PKN2: variants seen among roughly 807,000 people sequenced by gnomAD.
PKN2 encodes serine/threonine-protein kinase N2.
PKN2 carries 38 observed loss-of-function variants against 119.1 expected under a neutral mutation model. The ratio of observed to expected loss-of-function variants is 0.32; its 90% CI spans 0.25 to 0.42. The LOEUF is 0.42. Ranked by LOEUF, PKN2 falls within the 10% of genes least tolerant of loss-of-function variation. The probability of loss-of-function intolerance (pLI) is 1.00; values close to 1 mark genes in which losing one functional copy is unlikely to be tolerated. For missense variants in PKN2, 850 were observed against 1,165.1 expected, an observed-to-expected ratio of 0.73 and a Z score of 3.94; for synonymous variants, 390 against 384.9, an observed-to-expected ratio of 1.01 and a Z score of -0.15.
intron 1 of PKN2, among the ~76,000 whole-genome samples, chr1:88,721,476 C>T (rs921516238): frequency 1.3e-5 from 2 of 152,004 alleles, no homozygotes; most frequent in African/African-American, 4.8e-5. Flanking sequence ...GGGGGCTTGC[C>T]TGTTTTATCT....
intron 1 of PKN2, among the ~76,000 whole-genome samples, chr1:88,738,823 G>A (rs946513780): frequency 3.9e-5 from 6 of 152,066 alleles, no homozygotes; most frequent in African/African-American, 1.4e-4. Context: ...AGCATTTTTT[G>A]CCTCAGTCCA....
At chr1:88,727,496 G>A (rs305224) in intron 1 of PKN2, among the ~76,000 whole-genome samples, 4,497 of 152,168 alleles carry the variant, frequency 0.03, 225 homozygotes, top group African/African-American at 0.1. Context: ...TTAATCCACT[G>A]TACCAACCTG....
chr1:88,823,054 A>G (rs552660318), intron 17 of PKN2, among the ~76,000 whole-genome samples: 43 of 152,246 alleles, frequency 2.8e-4, no homozygotes, highest in African/African-American at 1.0e-3. Context: ...TTCTGTCTCT[A>G]CAAAAAAATA....
At chr1:88,712,436 C>T (rs1667272143) in intron 1 of PKN2, among the ~76,000 whole-genome samples, 2 of 152,056 alleles carry the variant, frequency 1.3e-5, no homozygotes, top group South Asian at 4.1e-4. Flanking sequence ...GGTACCCCTT[C>T]CCAGGTTTGC....
intron 6 of PKN2, among the ~76,000 whole-genome samples, chr1:88,779,318 G>A (rs1670234425): frequency 6.6e-6 from 1 of 150,948 alleles, no homozygotes; most frequent in African/African-American, 2.4e-5. Context: ...CCAGAGTTCT[G>A]ATAAACTCAG....
At chr1:88,716,643 C>T (rs1322050589) in intron 1 of PKN2, among the ~76,000 whole-genome samples, 1 of 151,912 alleles carries the variant, frequency 6.6e-6, no homozygotes, top group Admixed American at 6.6e-5. Flanking sequence ...TTTCCATTTG[C>T]TGGGTAGATC....
chr1:88,713,186 T>G (rs1396229029), intron 1 of PKN2, among the ~76,000 whole-genome samples: 1 of 152,254 alleles, frequency 6.6e-6, no homozygotes, highest in African/African-American at 2.4e-5. Context: ...GATGGACATT[T>G]GGGTTAGTTC....
chr1:88,697,041 CTA>C (rs1430138805), intron 1 of PKN2, among the ~76,000 whole-genome samples: 4 of 152,082 alleles, frequency 2.6e-5, no homozygotes, highest in Admixed American at 6.5e-5. Flanking sequence ...TATTCATTGA[CTA>C]TATGAATATA....
intron 1 of PKN2, among the ~76,000 whole-genome samples, chr1:88,728,971 C>G (rs1391212547): frequency 1.3e-5 from 2 of 151,028 alleles, no homozygotes; most frequent in African/African-American, 4.9e-5. Flanking sequence ...CTCGGCTCAC[C>G]ACAATCTCTG....
At chr1:88,774,275 A>G (rs1405619131) in intron 6 of PKN2, among the ~76,000 whole-genome samples, 1 of 152,206 alleles carries the variant, frequency 6.6e-6, no homozygotes, top group African/African-American at 2.4e-5. Flanking sequence ...TTGTTAACAT[A>G]GGTGTGATTG....
chr1:88,765,658 T>G (rs923652975), intron 3 of PKN2, among the ~76,000 whole-genome samples: 7 of 152,200 alleles, frequency 4.6e-5, no homozygotes, highest in Admixed American at 1.3e-4. Context: ...AGTGGTGTTG[T>G]TGTTGTTGTT....
At chr1:88,793,837 GA>G (rs960255404) in intron 8 of PKN2, among the ~76,000 whole-genome samples, 29 of 151,616 alleles carry the variant, frequency 1.9e-4, no homozygotes, top group Middle Eastern at 6.8e-3. Flanking sequence ...ATATTGACAA[GA>G]AAAAAAAGTC....
chr1:88,684,817 C>A (rs1413977546), intron 1 of PKN2, 189 bp downstream of exon 1: 1 of 521,206 alleles, frequency 1.9e-6, no homozygotes, highest in Non-Finnish European at 3.3e-6. Context: ...GACCCTCTCC[C>A]CCGCCAAAGC....
chr1:88,825,046 G>C (rs752730202), intron 18 of PKN2, among the ~76,000 whole-genome samples: 36 of 152,288 alleles, frequency 2.4e-4, no homozygotes, highest in African/African-American at 7.5e-4. Context: ...TGCACTGGTG[G>C]CTTCTGTTTG....
chr1:88,743,465 T>G (rs1232535721), intron 2 of PKN2, among the ~76,000 whole-genome samples: 1 of 152,204 alleles, frequency 6.6e-6, no homozygotes, highest in Non-Finnish European at 1.5e-5. Flanking sequence ...AATTACCTCC[T>G]TTAAGTCCTA....
intron 1 of PKN2, among the ~76,000 whole-genome samples, chr1:88,713,945 A>G (rs1031499325): frequency 6.6e-6 from 1 of 152,112 alleles, no homozygotes; most frequent in Admixed American, 6.5e-5. Flanking sequence ...ATCCATCTTG[A>G]ATTAATATTT....
intron 3 of PKN2, among the ~76,000 whole-genome samples, chr1:88,769,210 T>C (rs1181518039): frequency 6.6e-6 from 1 of 152,204 alleles, no homozygotes; most frequent in African/African-American, 2.4e-5. Flanking sequence ...AGCTTTTTTT[T>C]GAAATCTTAA....
chr1:88,748,453 T>C (rs186221468), intron 2 of PKN2, among the ~76,000 whole-genome samples: 16 of 152,262 alleles, frequency 1.1e-4, no homozygotes, highest in African/African-American at 3.9e-4. Flanking sequence ...TAATAGTTGA[T>C]TGTATAAATG....
In PKN2 at chr1:88,795,512, C is replaced by G. The variant is rs1671026751; in HGVS notation, c.1282-8879C>G. On this transcript the variant is annotated intron_variant, in intron 8 of 21. Coordinates refer to ENST00000370521, the MANE Select transcript of PKN2 (RefSeq NM_006256.4). The stretch of plus-strand genomic sequence containing the variant: ...CTTCCTCACCCTCCCATATGTTAAA[C>G]TGAAGTTTCTACTGCCATTATAGGT... Among the ~76,000 whole-genome samples, 3 of 152,188 alleles carry G rather than the reference C, an allele frequency of 2.0e-5. No individual in the cohort carries two copies. In the South Asian group the frequency reaches 6.2e-4, roughly 31 times the overall value.
Sources: allele counts gnomAD v4.1 joint callset (sites outside exome capture counted in the v4.1 genomes callset), GRCh38; gene constraint gnomAD v4.1.1; transcripts MANE v1.5; gene names NCBI Gene and HGNC (gene_info 2026-07-23, HGNC 2026-07-21).